CD99: variants seen among roughly 807,000 people sequenced by gnomAD.
The protein encoded by CD99 is CD99 antigen.
CD99 carries 19 observed loss-of-function variants against 28.4 expected under a neutral mutation model. The ratio of observed to expected loss-of-function variants is 0.67; its 90% CI spans 0.47 to 0.98. The LOEUF (loss-of-function observed/expected upper bound fraction) is 0.98. CD99 is among the 50% of genes least tolerant of loss of function. The pLI, the probability that CD99 is intolerant of heterozygous loss-of-function variation, is 0.00. For missense variants in CD99, 283 were observed against 248.8 expected, an observed-to-expected ratio of 1.14 and a Z score of -0.92; for synonymous variants, 103 against 92.1, an observed-to-expected ratio of 1.12 and a Z score of -0.67.
rs775935829 is a variant in CD99, at chrX:2,722,673, A to G, written c.309A>G (p.Glu103=). 6.2e-7 allele frequency: 1 copy of G among 1,613,808 alleles called. No homozygotes were observed. The highest frequency in any genetic ancestry group is 2.2e-5 in the East Asian group (1 of 44,894). Reference sequence around the variant, plus strand: ...TTGCGGATGGCGTTTCAGGTGGAGAAGGTACAGTTATCTTGTTTTCTGTCT... The same window carrying G: ...TTGCGGATGGCGTTTCAGGTGGAGAGGGTACAGTTATCTTGTTTTCTGTCT... The part of the protein sequence containing the change: ...ADLADGVSGG[E]GKGGSDGGGS... The change falls in exon 6 of 10, where the codon GAA becomes GAG. Residue 103 remains glutamate, a splice_region_variant and synonymous_variant. Transcript: ENST00000381192.
chrX:2,704,575 A>G (rs1295562450), intron 1 of CD99, among the ~76,000 whole-genome samples: 2 of 151,770 alleles, frequency 1.3e-5, no homozygotes, highest in African/African-American at 4.8e-5. Flanking sequence ...CTGGAACTAC[A>G]GGTACACGCC....
chrX:2,738,557 C>A (rs1382568265), intron 9 of CD99, among the ~76,000 whole-genome samples: 3 of 151,984 alleles, frequency 2.0e-5, no homozygotes, highest in Non-Finnish European at 4.4e-5. Flanking sequence ...GAAACCCTGT[C>A]TGTACTAAAA....
Position 2,714,466 on chromosome X carries a change from C to T in CD99, c.100+12C>T, listed in dbSNP as rs1166874626. On this transcript the variant is annotated intron_variant, in intron 2 of 9. Transcript: ENST00000381192. ...CGATGCCCTTCCTGGTGAGTATCAA[C>T]ATCATTTTTTAAAATCCCGTCAATA... 2 of 1,594,326 alleles carry T rather than the reference C, an allele frequency of 1.3e-6. No individual in the cohort carries two copies. Among genetic ancestry groups the T allele is most frequent in the Admixed American group, 1.7e-5 (1 of 59,760 alleles).
At chrX:2,737,967 C>G (rs2050029367) in intron 8 of CD99, 3 of 710,270 alleles carry the variant, frequency 4.2e-6, no homozygotes, top group Admixed American at 4.0e-5. Context: ...CTTGGATTAC[C>G]CTGTTGAAGT....
chrX:2,713,300 CAT>C (rs2048526652), intron 1 of CD99, among the ~76,000 whole-genome samples: 4 of 133,206 alleles, frequency 3.0e-5, no homozygotes, highest in South Asian at 4.9e-4. Context: ...TGCACTGACA[CAT>C]ATGCACACAA....
intron 3 of CD99, among the ~76,000 whole-genome samples, chrX:2,718,811 T>C (rs2048864211): frequency 6.6e-6 from 1 of 152,216 alleles, no homozygotes; most frequent in Admixed American, 6.5e-5. Context: ...AGACACTGTC[T>C]TGTCTTAGCA....
chrX:2,692,767 C>A (rs1024983300), intron 1 of CD99, among the ~76,000 whole-genome samples: 1 of 152,206 alleles, frequency 6.6e-6, no homozygotes, highest in African/African-American at 2.4e-5. Context: ...ACGGGTTTTT[C>A]ACTTGTCTCT....
intron 1 of CD99, 114 bp downstream of exon 1, chrX:2,691,541 C>T: frequency 8.2e-7 from 1 of 1,212,568 alleles, no homozygotes; most frequent in Non-Finnish European, 1.2e-6. Flanking sequence ...GAGCCTCCTC[C>T]CTGCCCGGCA....
intron 1 of CD99, among the ~76,000 whole-genome samples, chrX:2,711,293 A>G (rs1411661152): frequency 2.0e-5 from 3 of 147,956 alleles, no homozygotes; most frequent in Non-Finnish European, 4.5e-5. Flanking sequence ...TATAGTATGT[A>G]TATATAGTAT....
intron 5 of CD99, among the ~76,000 whole-genome samples, chrX:2,722,286 T>A (rs191013164): frequency 6.6e-6 from 1 of 152,292 alleles, no homozygotes; most frequent in Non-Finnish European, 1.5e-5. Flanking sequence ...GCATGCAATA[T>A]TATGCTCACG....
intron 1 of CD99, among the ~76,000 whole-genome samples, chrX:2,706,869 G>T (rs1044760256): frequency 2.2e-4 from 33 of 151,912 alleles, no homozygotes; most frequent in African/African-American, 7.7e-4. Context: ...CGCCCAGGCT[G>T]GAGTGCAGTG....
intron 2 of CD99, among the ~76,000 whole-genome samples, chrX:2,716,068 G>C (rs1415322745): frequency 1.3e-5 from 2 of 150,566 alleles, no homozygotes; most frequent in African/African-American, 4.9e-5. Context: ...ACCCAGGCTG[G>C]AGTGCAGTGG....
chrX:2,730,452 A>G (rs764676506), intron 8 of CD99, among the ~76,000 whole-genome samples: 1 of 152,246 alleles, frequency 6.6e-6, no homozygotes, highest in East Asian at 1.9e-4. Context: ...AATTACAGGC[A>G]TGAGCCACCG....
intron 1 of CD99, among the ~76,000 whole-genome samples, chrX:2,713,309 A>G (rs1292820747): frequency 8.2e-6 from 1 of 122,154 alleles, no homozygotes; most frequent in African/African-American, 2.5e-5. Flanking sequence ...ACATATGCAC[A>G]CAAAAAACAC....
rs186677502 is a variant in CD99, at chrX:2,729,838, T to C, written c.475+3465T>C. Among the ~76,000 whole-genome samples, 423 of 152,186 alleles carry C rather than the reference T, an allele frequency of 2.8e-3. 2 individuals carry two copies. Among genetic ancestry groups the C allele is most frequent in the African/African-American group, 9.8e-3 (406 of 41,524 alleles). ...AAAGCTCTCACTGGGTAGAAACAAT[T>C]TTCCTAGATTCTTCAAGAACAAAAG... On this transcript the variant is annotated intron_variant, in intron 8 of 9. Transcript: ENST00000381192.
chrX:2,706,731 G>A (rs147677898), intron 1 of CD99, among the ~76,000 whole-genome samples: 6,554 of 152,148 alleles, frequency 0.043, 163 homozygotes, highest in African/African-American at 0.07. Context: ...TGATGTCCCT[G>A]GCTGCTGCTG....
At chrX:2,717,888 G>T in intron 3 of CD99, 1 of 538,982 alleles carries the variant, frequency 1.9e-6, no homozygotes, top group Non-Finnish European at 3.3e-6. Flanking sequence ...ACATCTCTGT[G>T]TGCTTTTATT....
intron 2 of CD99, chrX:2,715,700 C>T (rs1246764020): frequency 6.6e-6 from 1 of 151,122 alleles, no homozygotes; most frequent in African/African-American, 2.4e-5. Flanking sequence ...CAGTTATATC[C>T]AGTTCTTTTT....
chrX:2,715,774 G>C (rs2048677847), intron 2 of CD99, among the ~76,000 whole-genome samples: 1 of 152,098 alleles, frequency 6.6e-6, no homozygotes, highest in African/African-American at 2.4e-5. Flanking sequence ...GTGTCCCTGT[G>C]CTTGTGGCTG....
Sources: gnomAD v4.1 joint callset for allele counts (sites outside exome capture counted in the v4.1 genomes callset) on GRCh38, gnomAD v4.1.1 for gene constraint, MANE v1.5 for transcripts, NCBI Gene and HGNC (gene_info 2026-07-23, HGNC 2026-07-21) for gene names.